The following EEFSEC variants were observed in gnomAD, a reference collection of about 807,000 sequenced individuals.
EEFSEC encodes selenocysteine-specific elongation factor.
Under a neutral mutation model 42.1 loss-of-function variants are expected in EEFSEC, and 43 were observed. The observed-to-expected ratio is 1.02, with a 90% CI of 0.80 to 1.32. EEFSEC has a LOEUF of 1.32. EEFSEC is among the 40% of genes most tolerant of loss of function. The pLI, the probability that EEFSEC is intolerant of heterozygous loss-of-function variation, is 0.00. For missense variants in EEFSEC, 745 were observed against 803.6 expected (o/e 0.93, Z 0.88); for synonymous variants, 354 against 339.1 (o/e 1.04, Z -0.48).
At chr3:128,389,768 C>G (rs561894280) in intron 6 of EEFSEC, among the ~76,000 whole-genome samples, 171 of 152,360 alleles carry the variant, frequency 1.1e-3, no homozygotes, top group Non-Finnish European at 2.0e-3. Flanking sequence ...GCCTCATCTG[C>G]CAGCAGAGTG....
At chr3:128,163,346 C>A (rs947200790) in intron 1 of EEFSEC, among the ~76,000 whole-genome samples, 2 of 151,870 alleles carry the variant, frequency 1.3e-5, no homozygotes, top group Non-Finnish European at 2.9e-5. Context: ...ACACTTCACT[C>A]CAATGGCTGG....
chr3:128,231,741 G>C (rs2065960799), intron 1 of EEFSEC, among the ~76,000 whole-genome samples: 1 of 152,086 alleles, frequency 6.6e-6, no homozygotes, highest in Non-Finnish European at 1.5e-5. Context: ...TGCCCTGTTA[G>C]GGCCTGTTGT....
the EEFSEC span, among the ~76,000 whole-genome samples, chr3:128,413,891 G>A: frequency 6.6e-6 from 1 of 152,210 alleles, no homozygotes; most frequent in Non-Finnish European, 1.5e-5. Flanking sequence ...CCGTTGGCAG[G>A]GCCAGTCCTG....
the EEFSEC span, among the ~76,000 whole-genome samples, chr3:128,423,721 G>C: frequency 6.6e-6 from 1 of 152,200 alleles, no homozygotes; most frequent in Admixed American, 6.5e-5. Context: ...TCTTTTCAGG[G>C]GACAGGGTGT....
At chr3:128,175,379 A>C (rs867250422) in intron 1 of EEFSEC, among the ~76,000 whole-genome samples, 14 of 152,212 alleles carry the variant, frequency 9.2e-5, no homozygotes, top group African/African-American at 3.4e-4. Context: ...AATGCTGTAA[A>C]GCAGCTGTGA....
At chr3:128,373,355 GCTCTCT>G (rs1415545379) in intron 6 of EEFSEC, among the ~76,000 whole-genome samples, 1 of 152,162 alleles carries the variant, frequency 6.6e-6, no homozygotes, top group Non-Finnish European at 1.5e-5. Flanking sequence ...CTCCACCTGG[GCTCTCT>G]CACCTGGCCA....
At chr3:128,194,926 A>T (rs948072213) in intron 1 of EEFSEC, among the ~76,000 whole-genome samples, 3 of 152,150 alleles carry the variant, frequency 2.0e-5, no homozygotes, top group African/African-American at 7.2e-5. Flanking sequence ...TTCTTTCCCA[A>T]TGTTATTTTC....
chr3:128,398,607 G>T (rs1365737841), intron 6 of EEFSEC, among the ~76,000 whole-genome samples: 3 of 152,124 alleles, frequency 2.0e-5, no homozygotes, highest in African/African-American at 7.2e-5. Context: ...CCCCGTGTCC[G>T]GGCCCTGGGG....
the EEFSEC span, among the ~76,000 whole-genome samples, chr3:128,415,501 C>T: frequency 1.3e-5 from 2 of 152,250 alleles, no homozygotes; most frequent in Non-Finnish European, 2.9e-5. Flanking sequence ...TGGAAGATAG[C>T]CAATAGTCAG....
chr3:128,247,658 T>C (rs1317849355), intron 2 of EEFSEC, among the ~76,000 whole-genome samples: 1 of 152,222 alleles, frequency 6.6e-6, no homozygotes, highest in Non-Finnish European at 1.5e-5. Flanking sequence ...TTTACAGTTT[T>C]ATCTTGTGGA....
chr3:128,357,861 C>T (rs1559938043), intron 5 of EEFSEC, among the ~76,000 whole-genome samples: 1 of 139,806 alleles, frequency 7.2e-6, no homozygotes, highest in East Asian at 1.9e-4. Flanking sequence ...CCCCTGTGCT[C>T]TGTGACCTTG....
chr3:128,270,543 C>T (rs1336843292), intron 4 of EEFSEC, among the ~76,000 whole-genome samples: 2 of 152,216 alleles, frequency 1.3e-5, no homozygotes, highest in East Asian at 3.8e-4. Context: ...GAAAACCCCC[C>T]AGAAAGGGAA....
chr3:128,424,013 G>A, the EEFSEC span, among the ~76,000 whole-genome samples: 1 of 152,190 alleles, frequency 6.6e-6, no homozygotes, highest in African/African-American at 2.4e-5. Flanking sequence ...AGCTGCGGGA[G>A]ACACAGAAAC....
chr3:128,215,525 C>T (rs1345375528), intron 1 of EEFSEC, among the ~76,000 whole-genome samples: 2 of 152,178 alleles, frequency 1.3e-5, no homozygotes, highest in Non-Finnish European at 2.9e-5. Context: ...GTAGTCAGTT[C>T]ACTGGCATGG....
At chr3:128,310,445 T>C (rs2066877437) in intron 4 of EEFSEC, among the ~76,000 whole-genome samples, 1 of 152,234 alleles carries the variant, frequency 6.6e-6, no homozygotes, top group African/African-American at 2.4e-5. Context: ...TACAAGGTCA[T>C]AGCCAAGAGA....
At chr3:128,421,303 C>T in the EEFSEC span, among the ~76,000 whole-genome samples, 1 of 152,292 alleles carries the variant, frequency 6.6e-6, no homozygotes, top group Non-Finnish European at 1.5e-5. Flanking sequence ...CCAGCTGGGG[C>T]GACCCTGCAC....
Position 128,407,041 on chromosome 3 carries a change from C to T in EEFSEC, c.1601-1028C>T, listed in dbSNP as rs115431470. Among the ~76,000 whole-genome samples the T allele has an allele frequency of 2.6e-3, 394 of 152,224 alleles. 1 individual carries two copies. The highest frequency in any genetic ancestry group is 8.1e-3 in the African/African-American group (335 of 41,532). ...GGTGTTCCAGGCAGAGGGAACAACA[C>T]GTGACAGGCTTGTATGTGCAATGAG... On this transcript the variant is annotated intron_variant, in intron 6 of 6. Transcript: ENST00000254730.
intron 6 of EEFSEC, among the ~76,000 whole-genome samples, chr3:128,396,173 T>C (rs865804527): frequency 5.3e-5 from 8 of 152,222 alleles, no homozygotes; most frequent in African/African-American, 1.4e-4. Flanking sequence ...GTGTGGTTTG[T>C]GTGTGTGTAT....
chr3:128,314,366 C>T (rs1333209736), intron 4 of EEFSEC, among the ~76,000 whole-genome samples: 3 of 152,002 alleles, frequency 2.0e-5, no homozygotes, highest in African/African-American at 7.2e-5. Flanking sequence ...TTTTTTGAGA[C>T]AGAGTCTTAC....
Sources: allele counts gnomAD v4.1 joint callset (sites outside exome capture counted in the v4.1 genomes callset), GRCh38; gene constraint gnomAD v4.1.1; transcripts MANE v1.5; gene names NCBI Gene and HGNC (gene_info 2026-07-23, HGNC 2026-07-21).